The following TAFA5 variants were observed in gnomAD, a reference collection of about 807,000 sequenced individuals.
TAFA5 encodes the protein TAFA chemokine like family member 5.
Under a neutral mutation model 15.3 loss-of-function variants are expected in TAFA5, and 6 were observed. The ratio of observed to expected loss-of-function variants is 0.39; its 90% CI spans 0.21 to 0.77. The LOEUF (loss-of-function observed/expected upper bound fraction) is 0.77. Ranked by LOEUF, TAFA5 falls within the 30% of genes least tolerant of loss-of-function variation. The pLI, the probability that TAFA5 is intolerant of heterozygous loss-of-function variation, is 0.41. For synonymous variants in TAFA5, 103 were observed against 80.7 expected (o/e 1.28, Z -1.48); for missense variants, 161 against 193.1 (o/e 0.83, Z 0.98).
chr22:48,693,397 G>T lies in TAFA5; in HGVS notation c.263-14320G>T, dbSNP rs781429711. 5.0e-6 allele frequency: 8 copies of T among 1,612,356 alleles called. No homozygotes were observed. The South Asian group carries it at 6.6e-5, about 13-fold the overall frequency. On this transcript the variant is annotated intron_variant, in intron 2 of 3. Transcript: ENST00000402357. ...GAATGGCCAGGTGAGTCGGAGATCC[G>T]TGCGCGTCATAGTGCAGCCCGTGCA...
chr22:48,494,513 T>C (rs1928258699), intron 1 of TAFA5, among the ~76,000 whole-genome samples: 3 of 152,198 alleles, frequency 2.0e-5, no homozygotes, highest in Admixed American at 2.0e-4. Flanking sequence ...AGAACTGTCC[T>C]TGAGGCTGTG....
chr22:48,716,985 G>A lies in TAFA5; in HGVS notation c.390+9141G>A, dbSNP rs547163166. ...AACGATATAACCTCCTGAAATAGCA[G>A]AAAATGAAGAAGAAATTATCAAAGA... On this transcript the variant is annotated intron_variant, in intron 3 of 3. Transcript: ENST00000402357. Among the ~76,000 whole-genome samples, 7 of 152,288 alleles carry A rather than the reference G, an allele frequency of 4.6e-5. No homozygotes were observed. The South Asian group carries it at 1.5e-3, about 32-fold the overall frequency.
rs35969553 is a variant in TAFA5, at chr22:48,589,986, CGTGT to C, written c.113-56588_113-56585del. Among the ~76,000 whole-genome samples, 912 of 149,712 alleles carry C rather than the reference CGTGT, an allele frequency of 6.1e-3. 3 individuals are homozygous for C. Among genetic ancestry groups the C allele is most frequent in the Non-Finnish European group, 7.3e-3 (493 of 67,506 alleles). On this transcript the variant is annotated intron_variant, in intron 1 of 3. Transcript: ENST00000402357. Reference sequence around the variant, plus strand: ...TCTTGTCACAGGGGATTGCAGCCGACGTGTGTGTGTGTGTGTGTGTGTGTGTCAC... The same window carrying C: ...TCTTGTCACAGGGGATTGCAGCCGACGTGTGTGTGTGTGTGTGTGTGTCAC...
chr22:48,737,334 C>T (rs130217), intron 3 of TAFA5, among the ~76,000 whole-genome samples: 58,613 of 152,092 alleles, frequency 0.39, 11,919 homozygotes, highest in Non-Finnish European at 0.43. Context: ...TCGAGGGCAG[C>T]GCCTGGCCTT....
intron 1 of TAFA5, among the ~76,000 whole-genome samples, chr22:48,521,447 C>G (rs575292976): frequency 1.3e-5 from 2 of 152,022 alleles, no homozygotes; most frequent in South Asian, 4.2e-4. Context: ...CTCCCATTTT[C>G]TCTCCTTTCT....
rs1256360620 is a variant in TAFA5 at position 48,489,732 on chromosome 22, C to A, written c.112+28C>A. The A allele has an allele frequency of 7.3e-7, 1 of 1,367,980 alleles. No homozygotes were observed. The highest frequency in any genetic ancestry group is 3.2e-5 in the East Asian group (1 of 31,082). The allele number at this position is 1,367,980 out of a possible 1,614,324, so 84.7% of individuals were successfully genotyped here. ...GAGTACCGCGCGGCCCCGGCCCCGG[C>A]ACGGCCCTCTGGGCCCCGGACCCCC... On this transcript the variant is annotated intron_variant, in intron 1 of 3. Coordinates refer to ENST00000402357, the MANE Select transcript of TAFA5 (RefSeq NM_001082967.3). The surrounding 1 kb of genome is among the most constrained non-coding windows in gnomAD (Gnocchi z 5.5).
intron 1 of TAFA5, among the ~76,000 whole-genome samples, chr22:48,570,634 G>T (rs1398964198): frequency 6.6e-6 from 1 of 152,180 alleles, no homozygotes; most frequent in African/African-American, 2.4e-5. Flanking sequence ...TTTGAACAGT[G>T]AAAAACACGG....
rs1022275480 is a variant in TAFA5 at position 48,522,225 on chromosome 22, C to T, written c.112+32521C>T. ...CTCCCACCCCTCCCTCTGTCCCCTG[C>T]GTCTACCTGTGGTCTCGGTGGCAGA... On this transcript the variant is annotated intron_variant, in intron 1 of 3. Coordinates refer to ENST00000402357, the MANE Select transcript of TAFA5 (RefSeq NM_001082967.3). Among the ~76,000 whole-genome samples, 6 of 152,026 alleles carry T rather than the reference C, an allele frequency of 3.9e-5. No homozygotes were observed. The East Asian group carries it at 7.7e-4, about 20-fold the overall frequency.
At chr22:48,672,021 AG>A (rs929659251) in intron 2 of TAFA5, among the ~76,000 whole-genome samples, 93 of 152,336 alleles carry the variant, frequency 6.1e-4, no homozygotes, top group African/African-American at 2.2e-3. Context: ...TGGTTTGTAA[AG>A]GGTGTTTGTA....
intron 1 of TAFA5, among the ~76,000 whole-genome samples, chr22:48,579,787 C>T (rs187042268): frequency 6.6e-6 from 1 of 152,292 alleles, no homozygotes; most frequent in East Asian, 1.9e-4. Flanking sequence ...GGAAGGAATG[C>T]GGCAAGCCTG....
intron 3 of TAFA5, among the ~76,000 whole-genome samples, chr22:48,749,164 G>A (rs1311035899): frequency 6.6e-6 from 1 of 152,186 alleles, no homozygotes; most frequent in East Asian, 1.9e-4. Flanking sequence ...AGGATTGCTT[G>A]GAGCACCAGA....
chr22:48,521,298 G>A (rs889571564), intron 1 of TAFA5, among the ~76,000 whole-genome samples: 1 of 152,074 alleles, frequency 6.6e-6, no homozygotes, highest in African/African-American at 2.4e-5. Flanking sequence ...GTTGTATTTT[G>A]CAACATCAAA....
intron 1 of TAFA5, among the ~76,000 whole-genome samples, chr22:48,588,463 G>A (rs189070531): frequency 1.3e-5 from 2 of 152,298 alleles, no homozygotes; most frequent in African/African-American, 4.8e-5. Flanking sequence ...GGCATTGCTC[G>A]CAGTGGGAGG....
chr22:48,537,823 C>G (rs768777479), intron 1 of TAFA5, among the ~76,000 whole-genome samples: 2 of 152,194 alleles, frequency 1.3e-5, no homozygotes, highest in Non-Finnish European at 2.9e-5. Flanking sequence ...GCAGGAGAGG[C>G]CTTGGGCAGA....
chr22:48,684,052 C>A (rs1928278663), intron 2 of TAFA5, among the ~76,000 whole-genome samples: 1 of 152,078 alleles, frequency 6.6e-6, no homozygotes, highest in African/African-American at 2.4e-5. Flanking sequence ...TTATTCATAG[C>A]AGTTTGAAAA....
intron 1 of TAFA5, among the ~76,000 whole-genome samples, chr22:48,574,181 C>T (rs148932238): frequency 2.6e-5 from 4 of 152,328 alleles, no homozygotes; most frequent in African/African-American, 9.6e-5. Context: ...TAGTCCCTCC[C>T]AGGGCAGATC....
At chr22:48,535,849 C>G (rs1178370079) in intron 1 of TAFA5, among the ~76,000 whole-genome samples, 1 of 151,730 alleles carries the variant, frequency 6.6e-6, no homozygotes, top group African/African-American at 2.4e-5. Flanking sequence ...ACACATCACA[C>G]ACGGTCACAC....
chr22:48,531,870 G>A (rs942961488), intron 1 of TAFA5, among the ~76,000 whole-genome samples: 2 of 152,224 alleles, frequency 1.3e-5, no homozygotes, highest in African/African-American at 4.8e-5. Context: ...GGACGGACGG[G>A]CCTGGCAGGG....
chr22:48,569,621 C>T (rs375845553), intron 1 of TAFA5, among the ~76,000 whole-genome samples: 2 of 152,214 alleles, frequency 1.3e-5, no homozygotes, highest in Admixed American at 1.3e-4. Context: ...AGCCACTGTG[C>T]GTTGCCATGG....
Sources: gnomAD v4.1 joint callset for allele counts (sites outside exome capture counted in the v4.1 genomes callset) on GRCh38, gnomAD v4.1.1 for gene constraint, Gnocchi (gnomAD v3.1) non-coding constraint, MANE v1.5 for transcripts, NCBI Gene and HGNC (gene_info 2026-07-23, HGNC 2026-07-21) for gene names.